Variants in KIAA1549L observed in about 807,000 individuals in gnomAD.
The protein encoded by KIAA1549L is KIAA1549 like.
A neutral mutation model predicts 160.7 loss-of-function variants in KIAA1549L; 88 were observed. The ratio of observed to expected loss-of-function variants is 0.55; its 90% CI spans 0.46 to 0.65. The LOEUF is 0.65. KIAA1549L is among the 30% of genes least tolerant of loss of function. The pLI is 0.00. For synonymous variants in KIAA1549L, 950 were observed against 976.7 expected (o/e 0.97, Z 0.51); for missense variants, 2,258 against 2,437.5 (o/e 0.93, Z 1.55).
In KIAA1549L at chr11:33,376,404, C is replaced by T. The variant is rs1849953441; in HGVS notation, c.-248C>T. ...CGCGCCGGCGCGCGGCGACAGGCAC[C>T]GTGGGAACCCCGGCCCGCACCCGCC... On this transcript the variant is annotated 5_prime_UTR_variant, in exon 1 of 21. Coordinates refer to ENST00000658780, the MANE Select transcript of KIAA1549L (RefSeq NM_012194.3). This position sits in a 1 kb window ranked among gnomAD's most constrained non-coding sequence, Gnocchi z 5.8. 1 of 147,256 alleles carries T rather than the reference C, an allele frequency of 6.8e-6. No individual in the cohort carries two copies. The highest frequency in any genetic ancestry group is 1.5e-5 in the Non-Finnish European group (1 of 66,222). The allele number at this position is 147,256 out of a possible 1,614,324, so 9.1% of individuals were successfully genotyped here. A position where few individuals can be genotyped will look rare whatever the true frequency, so the allele number is the denominator to read the frequency against.
chr11:33,576,552 A>G (rs1007330161), intron 10 of KIAA1549L, among the ~76,000 whole-genome samples: 1 of 152,108 alleles, frequency 6.6e-6, no homozygotes, highest in Non-Finnish European at 1.5e-5. Flanking sequence ...TCTCCAGGTG[A>G]GGAATAAATC....
At chr11:33,592,178 A>G (rs11032311) in intron 12 of KIAA1549L, among the ~76,000 whole-genome samples, 37,487 of 152,092 alleles carry the variant, frequency 0.25, 4,737 homozygotes, top group East Asian at 0.36. Flanking sequence ...TAGTGGCTGG[A>G]TGTAGTGAAG....
At chr11:33,396,768 A>G (rs1021706267) in intron 1 of KIAA1549L, among the ~76,000 whole-genome samples, 6 of 152,102 alleles carry the variant, frequency 3.9e-5, no homozygotes, top group Non-Finnish European at 8.8e-5. Flanking sequence ...CCTGGCCAAC[A>G]TGATGAAACT....
chr11:33,417,881 G>A (rs1392724322), intron 1 of KIAA1549L, among the ~76,000 whole-genome samples: 4 of 152,008 alleles, frequency 2.6e-5, no homozygotes, highest in Non-Finnish European at 4.4e-5. Flanking sequence ...GGGTTCCAGC[G>A]ATTCTTGTGC....
intron 1 of KIAA1549L, among the ~76,000 whole-genome samples, chr11:33,413,143 G>A (rs1366398694): frequency 6.6e-6 from 1 of 152,120 alleles, no homozygotes; most frequent in Non-Finnish European, 1.5e-5. Flanking sequence ...TCAGATACCT[G>A]CTTCCTGAGA....
At chr11:33,489,314 G>C (rs1029235922) in intron 1 of KIAA1549L, among the ~76,000 whole-genome samples, 1 of 152,212 alleles carries the variant, frequency 6.6e-6, no homozygotes, top group African/African-American at 2.4e-5. Flanking sequence ...TGCATGCAGA[G>C]AGAGACAGAG....
chr11:33,570,954 G>T (rs1011640891), intron 9 of KIAA1549L, among the ~76,000 whole-genome samples: 1 of 152,128 alleles, frequency 6.6e-6, no homozygotes, highest in African/African-American at 2.4e-5. Flanking sequence ...GAGGAATTTA[G>T]ACAAGAAACT....
rs146545788 is a variant in KIAA1549L at position 33,477,965 on chromosome 11, G to A, written c.239-63837G>A. Among the ~76,000 whole-genome samples, 1,205 of 152,294 alleles carry A rather than the reference G, an allele frequency of 7.9e-3. 20 individuals are homozygous for A. The highest frequency in any genetic ancestry group is 0.027 in the African/African-American group (1,132 of 41,562). On this transcript the variant is annotated intron_variant, in intron 1 of 20. Coordinates refer to ENST00000658780, the MANE Select transcript of KIAA1549L (RefSeq NM_012194.3). ...GAGCACCTGCTGTACTAAAATAGGT[G>A]GAGACCTGTGAACTACAGGTAAGAC...
intron 1 of KIAA1549L, among the ~76,000 whole-genome samples, chr11:33,435,780 A>ATGTGTGTGTGTGTG (rs1307533670): frequency 3.8e-4 from 7 of 18,336 alleles, no homozygotes; most frequent in African/African-American, 7.9e-4. Flanking sequence ...ATATATATAT[A>ATGTGTGTGTGTGTG]TATATATATA....
At chr11:33,617,831 A>G (rs930295636) in intron 15 of KIAA1549L, among the ~76,000 whole-genome samples, 2 of 110,904 alleles carry the variant, frequency 1.8e-5, no homozygotes, top group African/African-American at 3.3e-5. Flanking sequence ...ATGGATGGAT[A>G]GGTAGGTGGG....
intron 16 of KIAA1549L, among the ~76,000 whole-genome samples, chr11:33,643,990 C>T (rs61888351): frequency 0.026 from 3,972 of 152,260 alleles, 81 homozygotes; most frequent in Non-Finnish European, 0.036. Flanking sequence ...CCCAATATGT[C>T]CCCCAGCCCA....
At chr11:33,477,228 C>A (rs1852306107) in intron 1 of KIAA1549L, among the ~76,000 whole-genome samples, 1 of 152,090 alleles carries the variant, frequency 6.6e-6, no homozygotes, top group Admixed American at 6.5e-5. Flanking sequence ...GTGGCCTGAG[C>A]CCGAGGAGGA....
intron 10 of KIAA1549L, among the ~76,000 whole-genome samples, chr11:33,580,323 C>T (rs142051400): frequency 6.6e-6 from 1 of 152,256 alleles, no homozygotes; most frequent in East Asian, 1.9e-4. Flanking sequence ...CCTATAATCC[C>T]AGCACTTTGG....
chr11:33,378,217 C>T (rs1029326303), intron 1 of KIAA1549L, among the ~76,000 whole-genome samples: 2 of 152,182 alleles, frequency 1.3e-5, no homozygotes, highest in African/African-American at 4.8e-5. Context: ...AGTCCTTGGT[C>T]GTTTTTGTGA....
At chr11:33,524,805 C>G (rs1853576138) in intron 1 of KIAA1549L, among the ~76,000 whole-genome samples, 1 of 152,048 alleles carries the variant, frequency 6.6e-6, no homozygotes, top group African/African-American at 2.4e-5. Context: ...CATTTTGTGA[C>G]CATGATGAAT....
At chr11:33,443,739 AC>A (rs1213328919) in intron 1 of KIAA1549L, among the ~76,000 whole-genome samples, 8 of 151,998 alleles carry the variant, frequency 5.3e-5, no homozygotes, top group Non-Finnish European at 1.0e-4. Flanking sequence ...GAAAAAAAAA[AC>A]AAATATATTG....
chr11:33,625,412 C>T (rs1229428680), intron 16 of KIAA1549L, among the ~76,000 whole-genome samples: 1 of 152,222 alleles, frequency 6.6e-6, no homozygotes, highest in Non-Finnish European at 1.5e-5. Context: ...ATATCCTCTC[C>T]AGCACCTGTT....
At chr11:33,457,049 C>G (rs906811322) in intron 1 of KIAA1549L, among the ~76,000 whole-genome samples, 1 of 152,110 alleles carries the variant, frequency 6.6e-6, no homozygotes, top group Non-Finnish European at 1.5e-5. Flanking sequence ...AGTTTGATAC[C>G]ACGACCTTCA....
intron 8 of KIAA1549L, among the ~76,000 whole-genome samples, chr11:33,564,593 A>G (rs142966603): frequency 5.0e-4 from 76 of 152,328 alleles, no homozygotes; most frequent in African/African-American, 1.7e-3. Flanking sequence ...AAATGTGCAG[A>G]TTCAATATTG....
Sources: allele counts gnomAD v4.1 joint callset (sites outside exome capture counted in the v4.1 genomes callset), GRCh38; gene constraint gnomAD v4.1.1; non-coding constraint Gnocchi (gnomAD v3.1); transcripts MANE v1.5; gene names NCBI Gene and HGNC (gene_info 2026-07-23, HGNC 2026-07-21).